The following ANKS1B variants were observed in gnomAD, a reference collection of about 807,000 sequenced individuals.
ANKS1B encodes the protein ankyrin repeat and sterile alpha motif domain-containing protein 1B.
Under a neutral mutation model 148.3 loss-of-function variants are expected in ANKS1B, and 36 were observed. That is an observed-to-expected ratio of 0.24 (90% CI 0.19 to 0.32). The LOEUF is 0.32. Ranked by LOEUF, ANKS1B falls within the 10% of genes least tolerant of loss-of-function variation. The pLI is 1.00. For missense variants in ANKS1B, 1,157 were observed against 1,542.6 expected (o/e 0.75, Z 4.19); for synonymous variants, 542 against 560.8 (o/e 0.97, Z 0.47).
chr12:99,712,487 G>C (rs949973438), intron 8 of ANKS1B, among the ~76,000 whole-genome samples: 1 of 152,188 alleles, frequency 6.6e-6, no homozygotes, highest in Non-Finnish European at 1.5e-5. Context: ...GTCAGACAAG[G>C]TAATGAGAAG....
At chr12:99,498,846 A>G (rs935842440) in intron 10 of ANKS1B, among the ~76,000 whole-genome samples, 1 of 152,186 alleles carries the variant, frequency 6.6e-6, no homozygotes, top group Non-Finnish European at 1.5e-5. Context: ...AACAAAGGGA[A>G]TACATCAGTA....
chr12:98,789,293 A>C (rs968593254), intron 22 of ANKS1B, among the ~76,000 whole-genome samples: 1 of 152,240 alleles, frequency 6.6e-6, no homozygotes, highest in African/African-American at 2.4e-5. Context: ...TAGTGAGCCA[A>C]GATTGCACCA....
At chr12:99,108,314 T>A (rs1345647988) in intron 15 of ANKS1B, among the ~76,000 whole-genome samples, 1 of 152,240 alleles carries the variant, frequency 6.6e-6, no homozygotes, top group Admixed American at 6.5e-5. Context: ...TCTGTCCAAC[T>A]AGACTATGTA....
At chr12:99,476,090 T>G (rs963637953) in intron 10 of ANKS1B, among the ~76,000 whole-genome samples, 2 of 152,124 alleles carry the variant, frequency 1.3e-5, no homozygotes, top group Non-Finnish European at 2.9e-5. Flanking sequence ...GATTGATATA[T>G]TTCATTACAT....
intron 1 of ANKS1B, among the ~76,000 whole-genome samples, chr12:99,905,367 T>A (rs1349015978): frequency 2.0e-5 from 3 of 152,182 alleles, no homozygotes; most frequent in African/African-American, 7.2e-5. Flanking sequence ...GCCAACTGAT[T>A]CCTCCTGAGT....
chr12:99,177,493 T>A (rs962194023), intron 14 of ANKS1B, among the ~76,000 whole-genome samples: 8 of 152,210 alleles, frequency 5.3e-5, no homozygotes, highest in Non-Finnish European at 8.8e-5. Context: ...AGGAAACATG[T>A]CCCTGATGAT....
intron 9 of ANKS1B, among the ~76,000 whole-genome samples, chr12:99,624,661 C>G (rs2098091416): frequency 6.6e-6 from 1 of 152,076 alleles, no homozygotes. Context: ...CTCAACATCA[C>G]TAATCATCAG....
At chr12:99,465,051 G>A (rs1385828121) in intron 10 of ANKS1B, among the ~76,000 whole-genome samples, 1 of 152,138 alleles carries the variant, frequency 6.6e-6, no homozygotes, top group Non-Finnish European at 1.5e-5. Flanking sequence ...AGAAAGGTCG[G>A]GTTACCCACA....
intron 9 of ANKS1B, among the ~76,000 whole-genome samples, chr12:99,579,301 C>T (rs1003698772): frequency 6.6e-6 from 1 of 151,900 alleles, no homozygotes; most frequent in Admixed American, 6.6e-5. Context: ...AAAGACTTCA[C>T]GATGAAGTCT....
chr12:98,947,767 T>G (rs930257817), intron 17 of ANKS1B, among the ~76,000 whole-genome samples: 2 of 152,216 alleles, frequency 1.3e-5, no homozygotes, highest in Admixed American at 6.5e-5. Flanking sequence ...AGCAACGCCA[T>G]TGCCCTTTAT....
chr12:99,625,048 T>A (rs1415274618), intron 9 of ANKS1B, among the ~76,000 whole-genome samples: 1 of 152,114 alleles, frequency 6.6e-6, no homozygotes, highest in African/African-American at 2.4e-5. Context: ...ATATATACCA[T>A]GGGATACTAT....
chr12:99,063,300 C>T (rs372234595), intron 16 of ANKS1B, among the ~76,000 whole-genome samples: 1 of 152,288 alleles, frequency 6.6e-6, no homozygotes, highest in African/African-American at 2.4e-5. Flanking sequence ...GACTCTTCTG[C>T]TCTGTCCTGC....
chr12:99,756,141 A>T (rs528569853), intron 8 of ANKS1B, among the ~76,000 whole-genome samples: 5 of 150,882 alleles, frequency 3.3e-5, no homozygotes, highest in Middle Eastern at 3.4e-3. Context: ...ATAGGAAGAG[A>T]GGAAGTAAAA....
At chr12:99,660,459 G>T (rs2098471776) in intron 8 of ANKS1B, among the ~76,000 whole-genome samples, 1 of 150,806 alleles carries the variant, frequency 6.6e-6, no homozygotes, top group Admixed American at 6.6e-5. Flanking sequence ...CACCTCCCAG[G>T]TTCAAGTGAT....
chr12:98,878,321 C>T (rs561448476), intron 17 of ANKS1B, among the ~76,000 whole-genome samples: 1 of 151,790 alleles, frequency 6.6e-6, no homozygotes, highest in Non-Finnish European at 1.5e-5. Context: ...TTGCAATGAG[C>T]TGAGATGGTT....
intron 17 of ANKS1B, among the ~76,000 whole-genome samples, chr12:98,891,761 C>A (rs1054194206): frequency 1.2e-4 from 18 of 151,904 alleles, no homozygotes; most frequent in Non-Finnish European, 2.5e-4. Context: ...TACTTTTTTT[C>A]AGTTTATTGA....
chr12:98,922,236 C>T (rs895139064), intron 17 of ANKS1B, among the ~76,000 whole-genome samples: 12 of 152,140 alleles, frequency 7.9e-5, no homozygotes, highest in East Asian at 3.9e-4. Context: ...TTAGAATATA[C>T]GTACTTTGTT....
intron 14 of ANKS1B, among the ~76,000 whole-genome samples, chr12:99,207,972 T>G (rs932790093): frequency 3.9e-5 from 6 of 152,122 alleles, no homozygotes; most frequent in Non-Finnish European, 7.4e-5. Flanking sequence ...TATGTTTTTC[T>G]AAGAATTGAG....
intron 10 of ANKS1B, among the ~76,000 whole-genome samples, chr12:99,478,074 T>G (rs1018298400): frequency 2.0e-5 from 3 of 152,132 alleles, no homozygotes; most frequent in Non-Finnish European, 4.4e-5. Flanking sequence ...CTTGAAGAAG[T>G]TCTTTGAAAT....
Sources: gnomAD v4.1 joint callset for allele counts (sites outside exome capture counted in the v4.1 genomes callset) on GRCh38, gnomAD v4.1.1 for gene constraint, MANE v1.5 for transcripts, NCBI Gene and HGNC (gene_info 2026-07-23, HGNC 2026-07-21) for gene names.